Variants in PKHD1L1 observed in about 807,000 individuals in gnomAD.
PKHD1L1 encodes the protein fibrocystin-L.
In PKHD1L1, 434 loss-of-function variants were observed where a neutral mutation model predicts 462.9. The ratio of observed to expected loss-of-function variants is 0.94; its 90% CI spans 0.87 to 1.02. The LOEUF is 1.02. Among genes scored for constraint, PKHD1L1 ranks in the 50% least tolerant of loss-of-function variants. PKHD1L1 has a pLI of 0.00. For synonymous variants in PKHD1L1, 1,781 were observed against 1,750.0 expected (o/e 1.02, Z -0.44); for missense variants, 5,202 against 5,096.1 (o/e 1.02, Z -0.63).
At chr8:109,367,933 C>A (rs903051956) in intron 2 of PKHD1L1, among the ~76,000 whole-genome samples, 1 of 152,114 alleles carries the variant, frequency 6.6e-6, no homozygotes, top group East Asian at 1.9e-4. Flanking sequence ...CAAGACTATG[C>A]TTCAGGAGAT....
intron 2 of PKHD1L1, among the ~76,000 whole-genome samples, chr8:109,371,861 A>G (rs1229832365): frequency 6.6e-6 from 1 of 152,034 alleles, no homozygotes; most frequent in South Asian, 2.1e-4. Context: ...CCATTGGTCT[A>G]TATCTCTGTT....
intron 39 of PKHD1L1, among the ~76,000 whole-genome samples, 171 bp downstream of exon 39, chr8:109,448,562 A>C (rs192576796): frequency 6.7e-6 from 1 of 149,578 alleles, no homozygotes; most frequent in Admixed American, 6.7e-5. Flanking sequence ...CCCAGGCTGG[A>C]GTGCAGTGGC....
intron 17 of PKHD1L1, among the ~76,000 whole-genome samples, chr8:109,406,906 T>A (rs1813581611): frequency 6.7e-6 from 1 of 150,064 alleles, no homozygotes; most frequent in Non-Finnish European, 1.5e-5. Context: ...AATATTAAAA[T>A]CCCTGAGGAG....
At chr8:109,413,351 T>G (rs1813959390) in intron 20 of PKHD1L1, 70 bp from the exon 21 acceptor site, 1 of 1,053,762 alleles carries the variant, frequency 9.5e-7, no homozygotes, top group Non-Finnish European at 1.3e-6. Context: ...GACTTTGAAT[T>G]TATTTGAATT....
At chr8:109,442,823 A>G (rs2130746474) in intron 35 of PKHD1L1, 123 bp from the exon 36 acceptor site, 1 of 919,068 alleles carries the variant, frequency 1.1e-6, no homozygotes, top group East Asian at 2.5e-5. Flanking sequence ...TTTCATACAC[A>G]TGAAAAATAA....
chr8:109,409,530 A>G (rs141725075), intron 18 of PKHD1L1, among the ~76,000 whole-genome samples: 42 of 152,210 alleles, frequency 2.8e-4, no homozygotes, highest in African/African-American at 1.0e-3. Context: ...TTTATTTGGA[A>G]TCTATCTAAT....
intron 52 of PKHD1L1, 72 bp from the exon 53 acceptor site, chr8:109,477,153 T>C (rs1394358547): frequency 2.7e-6 from 4 of 1,499,806 alleles, no homozygotes; most frequent in Non-Finnish European, 3.7e-6. Flanking sequence ...TTTTCCAAAA[T>C]TCCATAATTT....
intron 67 of PKHD1L1, among the ~76,000 whole-genome samples, chr8:109,499,708 A>G (rs141591665): frequency 1.3e-5 from 2 of 152,358 alleles, no homozygotes. Flanking sequence ...TGGTTGACTG[A>G]GATTCACTAG....
At chr8:109,529,944 A>G (rs1820990681) in intron 77 of PKHD1L1, 136 bp from the exon 78 acceptor site, 1 of 452,354 alleles carries the variant, frequency 2.2e-6, no homozygotes, top group Non-Finnish European at 3.6e-6. Flanking sequence ...TGATTCTAAC[A>G]TTAAATGGGT....
chr8:109,382,799 G>A (rs571037566), intron 4 of PKHD1L1, among the ~76,000 whole-genome samples: 14 of 150,466 alleles, frequency 9.3e-5, no homozygotes, highest in African/African-American at 2.2e-4. Context: ...TTAAACTTTT[G>A]TACTTCAAAC....
chr8:109,363,181 T>C (rs1040155877), intron 1 of PKHD1L1, among the ~76,000 whole-genome samples: 2 of 151,988 alleles, frequency 1.3e-5, no homozygotes, highest in Non-Finnish European at 2.9e-5. Flanking sequence ...AGATAAGAAA[T>C]TGGAGTTGTC....
chr8:109,391,422 T>C (rs1812705988), intron 9 of PKHD1L1, among the ~76,000 whole-genome samples: 1 of 152,204 alleles, frequency 6.6e-6, no homozygotes, highest in Non-Finnish European at 1.5e-5. Flanking sequence ...CAGGATTTCA[T>C]ACCATAGCAG....
intron 71 of PKHD1L1, 107 bp downstream of exon 71, chr8:109,511,041 C>G: frequency 7.7e-7 from 1 of 1,291,432 alleles, no homozygotes. Flanking sequence ...AGCCTTACAG[C>G]TCATTTCCAA....
intron 25 of PKHD1L1, 94 bp from the exon 26 acceptor site, chr8:109,429,246 A>G (rs930241317): frequency 1.8e-6 from 2 of 1,088,558 alleles, no homozygotes; most frequent in Non-Finnish European, 2.6e-6. Flanking sequence ...TTTGACTTTT[A>G]TTCACCTTTG....
chr8:109,381,288 A>C (rs893578298), intron 2 of PKHD1L1, 82 bp from the exon 3 acceptor site: 4 of 1,141,808 alleles, frequency 3.5e-6, no homozygotes, highest in Non-Finnish European at 5.0e-6. Flanking sequence ...CATTTACTGC[A>C]TGATTTGATA....
At chr8:109,438,289 A>T in intron 30 of PKHD1L1, 35 bp from the exon 31 acceptor site, 1 of 1,390,418 alleles carries the variant, frequency 7.2e-7, no homozygotes, top group Non-Finnish European at 9.7e-7. Flanking sequence ...TATCTCAACA[A>T]TTAATATTTT....
At chr8:109,397,462 G>A (rs1470167691) in intron 11 of PKHD1L1, among the ~76,000 whole-genome samples, 1 of 152,038 alleles carries the variant, frequency 6.6e-6, no homozygotes, top group East Asian at 1.9e-4. Context: ...GATTACTTGA[G>A]CCCAGGAGTT....
rs61741363 is a variant in PKHD1L1, at chr8:109,439,042, A to G, written c.3906A>G (p.Gly1302=). 9,127 of 1,613,596 alleles carry G rather than the reference A, an allele frequency of 5.7e-3. 424 individuals carry two copies. In the African/African-American group the frequency reaches 0.11, roughly 19 times the overall value. The change falls in exon 32 of 78, where the codon GGA becomes GGG. Residue 1302 remains glycine (G), a synonymous_variant. Coordinates refer to ENST00000378402, the MANE Select transcript of PKHD1L1 (RefSeq NM_177531.6). The part of the protein sequence containing the change: ...IRCLLPKLSP[G]KHDIYVEVRN... Reference sequence around the variant, plus strand: ...GCCTTTTGCCCAAGTTGTCTCCTGGAAAACATGATATCTATGTAGAAGTCA... The same window carrying G: ...GCCTTTTGCCCAAGTTGTCTCCTGGGAAACATGATATCTATGTAGAAGTCA...
chr8:109,429,549 A>T lies in PKHD1L1; in HGVS notation c.3123+87A>T, dbSNP rs116764599. 325 of 1,248,710 alleles carry T rather than the reference A, an allele frequency of 2.6e-4. No homozygotes were observed. In the African/African-American group the frequency reaches 4.6e-3, roughly 17 times the overall value. 77.4% of individuals were successfully genotyped at this position (1,248,710 alleles called of 1,614,324 possible). On this transcript the variant is annotated intron_variant, in intron 26 of 77. Transcript: ENST00000378402. ...TATGTTAAAGACCTGGTGAAACAGG[A>T]GGTTTGACTTCTGTATTTCATGGGA...
Sources: allele counts gnomAD v4.1 joint callset (sites outside exome capture counted in the v4.1 genomes callset), GRCh38; gene constraint gnomAD v4.1.1; transcripts MANE v1.5; gene names NCBI Gene and HGNC (gene_info 2026-07-23, HGNC 2026-07-21).